Variants in NFIL3 observed in about 807,000 individuals in gnomAD.
The protein encoded by NFIL3 is nuclear factor interleukin-3-regulated protein.
In NFIL3, 5 loss-of-function variants were observed where a neutral mutation model predicts 10.0. The ratio of observed to expected loss-of-function variants is 0.50; its 90% CI spans 0.26 to 1.06. The LOEUF (loss-of-function observed/expected upper bound fraction) is 1.06. NFIL3 is among the 50% of genes least tolerant of loss of function. The pLI, the probability that NFIL3 is intolerant of heterozygous loss-of-function variation, is 0.13. For missense variants in NFIL3, 436 were observed against 547.6 expected (o/e 0.80, Z 2.03); for synonymous variants, 202 against 206.5 (o/e 0.98, Z 0.19).
chr9:91,470,029 G>A, the NFIL3 span, among the ~76,000 whole-genome samples: 6 of 152,152 alleles, frequency 3.9e-5, no homozygotes, highest in Non-Finnish European at 5.9e-5. Flanking sequence ...TTGGTATCAG[G>A]ATGATGCTGG....
the NFIL3 span, among the ~76,000 whole-genome samples, chr9:91,451,414 A>G: frequency 2.6e-5 from 4 of 152,242 alleles, no homozygotes; most frequent in African/African-American, 9.6e-5. Context: ...GATTCTTATC[A>G]TAACTCTTAA....
At chr9:91,461,502 T>C in the NFIL3 span, among the ~76,000 whole-genome samples, 1 of 152,202 alleles carries the variant, frequency 6.6e-6, no homozygotes, top group Non-Finnish European at 1.5e-5. Context: ...TATTCACTCC[T>C]AGATCTGGAG....
At chr9:91,444,142 T>C in the NFIL3 span, among the ~76,000 whole-genome samples, 1 of 152,182 alleles carries the variant, frequency 6.6e-6, no homozygotes, top group Non-Finnish European at 1.5e-5. Flanking sequence ...TTCCTCTGAT[T>C]GATTCATTTC....
At chr9:91,458,464 T>A in the NFIL3 span, among the ~76,000 whole-genome samples, 1 of 152,144 alleles carries the variant, frequency 6.6e-6, no homozygotes, top group Admixed American at 6.5e-5. Context: ...GCTTTTAACA[T>A]TTGTAGCATT....
chr9:91,473,256 T>C, the NFIL3 span, among the ~76,000 whole-genome samples: 13 of 152,242 alleles, frequency 8.5e-5, no homozygotes, highest in African/African-American at 2.4e-4. Context: ...GACACAGCCA[T>C]TTAAGTCTGC....
At chr9:91,438,620 T>C in the NFIL3 span, among the ~76,000 whole-genome samples, 1 of 152,198 alleles carries the variant, frequency 6.6e-6, no homozygotes, top group Non-Finnish European at 1.5e-5. Context: ...TCTAGTGTCT[T>C]CTAGGAGTTC....
At chr9:91,476,571 T>C in the NFIL3 span, among the ~76,000 whole-genome samples, 2 of 134,230 alleles carry the variant, frequency 1.5e-5, no homozygotes, top group African/African-American at 2.8e-5. Context: ...AGAATCCGTC[T>C]AAAAAAAAAA....
chr9:91,435,461 G>A, the NFIL3 span, among the ~76,000 whole-genome samples: 3 of 152,100 alleles, frequency 2.0e-5, no homozygotes, highest in East Asian at 5.8e-4. Context: ...AAATTCTATG[G>A]TACATAAAAG....
At chr9:91,413,406 G>A (rs1022549847) in intron 1 of NFIL3, among the ~76,000 whole-genome samples, 10 of 152,018 alleles carry the variant, frequency 6.6e-5, no homozygotes, top group East Asian at 1.9e-4. Context: ...GCGCCACCAC[G>A]CCCAGCTAAT....
At chr9:91,421,362 TC>T (rs1277167135) in intron 1 of NFIL3, among the ~76,000 whole-genome samples, 1 of 151,700 alleles carries the variant, frequency 6.6e-6, no homozygotes, top group East Asian at 1.9e-4. Flanking sequence ...ACGCGGCGCC[TC>T]CCAGAGACCC....
At chr9:91,446,397 T>C in the NFIL3 span, among the ~76,000 whole-genome samples, 1 of 152,236 alleles carries the variant, frequency 6.6e-6, no homozygotes, top group Admixed American at 6.5e-5. Context: ...TGTAGTTGTA[T>C]ATTCATTGTT....
the NFIL3 span, among the ~76,000 whole-genome samples, chr9:91,438,753 T>C: frequency 6.6e-6 from 1 of 152,216 alleles, no homozygotes; most frequent in Non-Finnish European, 1.5e-5. Flanking sequence ...TAGCCCCATT[T>C]ATTAGAGAGA....
chr9:91,441,091 G>A, the NFIL3 span, among the ~76,000 whole-genome samples: 1 of 152,092 alleles, frequency 6.6e-6, no homozygotes, highest in African/African-American at 2.4e-5. Context: ...ATTCATGGTT[G>A]AAAATGAGGT....
Position 91,409,554 on chromosome 9 carries a change from T to G in NFIL3, c.1181A>C (p.Lys394Thr), listed in dbSNP as rs1391619698. 1 of 1,613,980 alleles carries G rather than the reference T, an allele frequency of 6.2e-7. No homozygotes were observed. Among genetic ancestry groups the G allele is most frequent in the Non-Finnish European group, 8.5e-7 (1 of 1,179,982 alleles). ...TTCTTTTTGATGCCAGTGCTCCGAT[T>G]TGAGAGACCAATCTTGAATGTTAGT... ...QVTNIQDWSLKSEHWHQKELS... is the reference protein window; with the variant it reads ...QVTNIQDWSLTSEHWHQKELS... Residue 394 changes from lysine to threonine, a missense_variant, in exon 2 of 2, where the codon AAA becomes ACA. By Grantham distance (78) the Lys-to-Thr change is moderately conservative. Around this residue, in one of 3 missense-constraint regions of NFIL3, gnomAD observed 338 missense variants for 399.9 expected, o/e 0.85. Coordinates refer to ENST00000297689, the MANE Select transcript of NFIL3 (RefSeq NM_005384.3).
rs56839224 is a variant in NFIL3 at position 91,411,606 on chromosome 9, C to T, written c.-172-700G>A. ...GCAAATTCCACCAGGTGACTCACTG[C>T]AACTAAATGAAAAGGATTCTTCTCC... On this transcript the variant is annotated intron_variant, in intron 1 of 1. Transcript: ENST00000297689. 8.7e-3 allele frequency among the ~76,000 whole-genome samples: 1,326 copies of T among 152,308 alleles called. 21 individuals are homozygous for T. The highest frequency in any genetic ancestry group is 0.03 in the African/African-American group (1,228 of 41,550).
At chr9:91,435,097 T>C in the NFIL3 span, among the ~76,000 whole-genome samples, 1 of 152,336 alleles carries the variant, frequency 6.6e-6, no homozygotes, top group Non-Finnish European at 1.5e-5. Flanking sequence ...CTGAATTGTG[T>C]GTTTTCTCTT....
the NFIL3 span, among the ~76,000 whole-genome samples, chr9:91,463,003 T>C: frequency 6.6e-6 from 1 of 152,026 alleles, no homozygotes; most frequent in South Asian, 2.1e-4. Flanking sequence ...ATATTCTTTA[T>C]TATCCTTTTA....
intron 1 of NFIL3, among the ~76,000 whole-genome samples, chr9:91,413,405 C>T (rs541300575): frequency 1.3e-5 from 2 of 152,132 alleles, no homozygotes; most frequent in South Asian, 4.1e-4. Context: ...CGCGCCACCA[C>T]GCCCAGCTAA....
chr9:91,426,072 C>G (rs1833870692), upstream of NFIL3, among the ~76,000 whole-genome samples: 1 of 152,196 alleles, frequency 6.6e-6, no homozygotes, highest in African/African-American at 2.4e-5. Flanking sequence ...AAGAACGTGC[C>G]TGGAGCCACC....
Sources: allele counts gnomAD v4.1 joint callset (sites outside exome capture counted in the v4.1 genomes callset), GRCh38; gene constraint gnomAD v4.1.1; regional missense constraint gnomAD v4.1.1; transcripts MANE v1.5; gene names NCBI Gene and HGNC (gene_info 2026-07-23, HGNC 2026-07-21).